The following GPM6B variants were observed in gnomAD, a reference collection of about 807,000 sequenced individuals.
The protein encoded by GPM6B is glycoprotein M6B, also known as neuronal membrane glycoprotein M6-b.
GPM6B carries 4 observed loss-of-function variants against 27.2 expected under a neutral mutation model. That is an observed-to-expected ratio of 0.15 (90% CI 0.07 to 0.34). The LOEUF (loss-of-function observed/expected upper bound fraction) is 0.34. Ranked by LOEUF, GPM6B falls within the 10% of genes least tolerant of loss-of-function variation. The pLI, the probability that GPM6B is intolerant of heterozygous loss-of-function variation, is 1.00. For synonymous variants in GPM6B, 124 were observed against 103.1 expected, an observed-to-expected ratio of 1.20 and a Z score of -1.23; for missense variants, 183 against 261.9, an observed-to-expected ratio of 0.70 and a Z score of 2.08.
chrX:13,846,614 C>A lies in GPM6B; in HGVS notation c.-197-60806G>T, dbSNP rs746096150. ...CACGCCATTCCCCTGCCTCAGCCTCCCAAGTAGCTGGTACTACAGGCGCCC... is the reference window on the plus strand; with the variant it reads ...CACGCCATTCCCCTGCCTCAGCCTCACAAGTAGCTGGTACTACAGGCGCCC... On this transcript the variant is annotated intron_variant, in intron 1 of 6. Transcript: ENST00000398361. Among the ~76,000 whole-genome samples the A allele has an allele frequency of 5.1e-3, 553 of 109,466 alleles. 2 individuals are homozygous for A. Among genetic ancestry groups the A allele is most frequent in the African/African-American group, 0.017 (523 of 30,062 alleles).
chrX:13,827,509 G>A (rs2049390184), intron 1 of GPM6B, among the ~76,000 whole-genome samples: 1 of 110,634 alleles, frequency 9.0e-6, no homozygotes, highest in South Asian at 3.9e-4. Context: ...AAGCCTCCCT[G>A]GATGGCAGTT....
intron 1 of GPM6B, among the ~76,000 whole-genome samples, chrX:13,931,304 T>A (rs34959529): frequency 6.4e-5 from 7 of 110,221 alleles, no homozygotes; most frequent in Non-Finnish European, 1.3e-4. Flanking sequence ...CAGGCTATCA[T>A]GGTGAAACCC....
At chrX:13,928,910 G>C (rs1171602303) in intron 1 of GPM6B, among the ~76,000 whole-genome samples, 2 of 111,909 alleles carry the variant, frequency 1.8e-5, no homozygotes, top group East Asian at 5.6e-4. Context: ...TCTAGGTTGT[G>C]GGGGCTGGGA....
intron 1 of GPM6B, among the ~76,000 whole-genome samples, chrX:13,832,836 T>C (rs745540349): frequency 9.0e-6 from 1 of 111,657 alleles, no homozygotes; most frequent in Admixed American, 9.5e-5. Flanking sequence ...TCCTATTGGG[T>C]AGAAAGGGCA....
chrX:13,817,531 G>C (rs1264386247), upstream of GPM6B, among the ~76,000 whole-genome samples: 1 of 112,459 alleles, frequency 8.9e-6, no homozygotes, highest in Non-Finnish European at 1.9e-5. Context: ...TTTCTTTCCT[G>C]TGTGGTCCAT....
chrX:13,813,330 T>C lies in GPM6B; in HGVS notation c.61+3514A>G, dbSNP rs2049174155. Among the ~76,000 whole-genome samples, 3 of 111,704 alleles carry C rather than the reference T, an allele frequency of 2.7e-5. No homozygotes were observed. The Admixed American group carries it at 2.9e-4, about 11-fold the overall frequency. On this transcript the variant is annotated intron_variant, in intron 1 of 7. Transcript: ENST00000316715. The stretch of plus-strand genomic sequence containing the variant: ...ATCAAAAAGATTAAAATAGATGTAT[T>C]AATTTTTTAAGGAAGTCAATAATTT...
At chrX:13,885,768 T>C (rs951308040) in intron 1 of GPM6B, among the ~76,000 whole-genome samples, 3 of 111,244 alleles carry the variant, frequency 2.7e-5, no homozygotes, top group African/African-American at 9.8e-5. Context: ...GCGTGATGGA[T>C]GGTGCCTATG....
intron 1 of GPM6B, among the ~76,000 whole-genome samples, chrX:13,864,378 G>A (rs1307414407): frequency 8.9e-6 from 1 of 112,833 alleles, no homozygotes; most frequent in Non-Finnish European, 1.9e-5. Context: ...TAGACCCAGT[G>A]CAGATCCCCC....
At chrX:13,776,732 G>A (rs977536133) in intron 6 of GPM6B, among the ~76,000 whole-genome samples, 5 of 112,114 alleles carry the variant, frequency 4.5e-5, no homozygotes, top group Non-Finnish European at 9.4e-5. Flanking sequence ...AAGCACCTAC[G>A]AATGCATTTA....
At chrX:13,834,483 G>T (rs2049474853) in intron 1 of GPM6B, among the ~76,000 whole-genome samples, 1 of 112,578 alleles carries the variant, frequency 8.9e-6, no homozygotes, top group African/African-American at 3.2e-5. Flanking sequence ...TTAATGAAAA[G>T]CCACTGACAA....
chrX:13,786,435 A>G lies in GPM6B; in HGVS notation c.182-627T>C, dbSNP rs189340653. Among the ~76,000 whole-genome samples the G allele has an allele frequency of 2.2e-3, 248 of 111,994 alleles. 1 individual carries two copies. Among genetic ancestry groups the G allele is most frequent in the African/African-American group, 7.6e-3 (233 of 30,812 alleles). On this transcript the variant is annotated intron_variant, in intron 2 of 7. Coordinates refer to ENST00000316715, the MANE Select transcript of GPM6B (RefSeq NM_001001995.3). ...TTTGGTCCATAATTCAGTGAAGAAC[A>G]AAGTCACCAAGAGCCACTCAAGTGG...
intron 1 of GPM6B, among the ~76,000 whole-genome samples, chrX:13,857,048 G>A (rs1035093738): frequency 2.7e-5 from 3 of 110,562 alleles, no homozygotes; most frequent in East Asian, 2.8e-4. Flanking sequence ...ACATCTTTCC[G>A]ATCTTTATCT....
At chrX:13,778,474 C>T (rs2048457385) in intron 5 of GPM6B, among the ~76,000 whole-genome samples, 1 of 112,348 alleles carries the variant, frequency 8.9e-6, no homozygotes, top group Non-Finnish European at 1.9e-5. Flanking sequence ...CAGTGGGCTG[C>T]TGCTTTTTTT....
chrX:13,929,330 G>A (rs1603147666), intron 1 of GPM6B, among the ~76,000 whole-genome samples: 1 of 110,967 alleles, frequency 9.0e-6, no homozygotes, highest in South Asian at 3.9e-4. Context: ...CCTCATTATC[G>A]AGATGGTTTA....
chrX:13,834,142 G>T (rs1308335063), intron 1 of GPM6B, among the ~76,000 whole-genome samples: 2 of 112,766 alleles, frequency 1.8e-5, no homozygotes, highest in Middle Eastern at 4.6e-3. Flanking sequence ...AAACCATCCA[G>T]CTCATCTTTC....
chrX:13,812,500 T>C (rs762901177), intron 1 of GPM6B, among the ~76,000 whole-genome samples: 88 of 111,955 alleles, frequency 7.9e-4, no homozygotes, highest in Non-Finnish European at 1.5e-3. Flanking sequence ...CTATCTCCCA[T>C]GTATGTACAT....
At position 13,918,416 on chromosome X, in the gene GPM6B, G is replaced by A. The variant is rs1419787991; in HGVS notation, c.-198+19911C>T. ...GTCTTATTTTTCCAGAGGCATCACT[G>A]TAGCTGACTATGACAATCACAAAAG... On this transcript the variant is annotated intron_variant, in intron 1 of 6. Coordinates refer to the GPM6B transcript ENST00000398361. Among the ~76,000 whole-genome samples, 7 of 112,731 alleles carry A rather than the reference G, an allele frequency of 6.2e-5. No individual in the cohort carries two copies. In the East Asian group the frequency reaches 1.9e-3, roughly 31 times the overall value.
At chrX:13,812,048 CTTTT>C (rs1187553585) in intron 1 of GPM6B, among the ~76,000 whole-genome samples, 1 of 88,916 alleles carries the variant, frequency 1.1e-5, no homozygotes, top group Non-Finnish European at 2.2e-5. Flanking sequence ...TCTTTTCTTT[CTTTT>C]TTTTTTTTTT....
intron 2 of GPM6B, among the ~76,000 whole-genome samples, chrX:13,789,278 CAGTGTGCATG>C (rs1364000312): frequency 8.9e-6 from 1 of 112,012 alleles, no homozygotes; most frequent in Non-Finnish European, 1.9e-5. Context: ...CCTCTGGTCA[CAGTGTGCATG>C]ATATCTTTGA....
Sources: allele counts gnomAD v4.1 joint callset (sites outside exome capture counted in the v4.1 genomes callset), GRCh38; gene constraint gnomAD v4.1.1; transcripts MANE v1.5; gene names NCBI Gene and HGNC (gene_info 2026-07-23, HGNC 2026-07-21).